The following WWOX variants were observed in gnomAD, a reference collection of about 807,000 sequenced individuals.
WWOX encodes the protein WW domain-containing oxidoreductase.
WWOX carries 69 observed loss-of-function variants against 46.2 expected under a neutral mutation model. The ratio of observed to expected loss-of-function variants is 1.49; its 90% CI spans 1.23 to 1.82. The LOEUF (loss-of-function observed/expected upper bound fraction) is 1.82, where lower values mean the gene tolerates loss of function less well. Ranked by LOEUF, WWOX falls within the 40% of genes most tolerant of loss-of-function variation. The pLI, the probability that WWOX is intolerant of heterozygous loss-of-function variation, is 0.00. For synonymous variants in WWOX, 359 were observed against 202.6 expected (o/e 1.77, Z -6.56); for missense variants, 919 against 542.6 (o/e 1.69, Z -6.89).
At chr16:79,193,315 G>A (rs1031333229) in intron 8 of WWOX, among the ~76,000 whole-genome samples, 2 of 152,238 alleles carry the variant, frequency 1.3e-5, no homozygotes, top group African/African-American at 4.8e-5. Context: ...ACTCTTTGTT[G>A]TCTGCACAGA....
intron 8 of WWOX, among the ~76,000 whole-genome samples, chr16:79,099,135 G>A (rs1263136325): frequency 3.9e-5 from 6 of 152,084 alleles, no homozygotes; most frequent in African/African-American, 7.2e-5. Flanking sequence ...AGCTCCCGTG[G>A]GAAATCACAG....
Position 78,362,769 on chromosome 16 carries a change from C to A in WWOX, c.517-24091C>A, listed in dbSNP as rs138115474. On this transcript the variant is annotated intron_variant, in intron 5 of 8. Coordinates refer to ENST00000566780, the MANE Select transcript of WWOX (RefSeq NM_016373.4). Reference sequence around the variant, plus strand: ...AGTTCATGAAGAACTTACTATGTGTCCAGTAGATAAATATACCACAAGCAT... The same window carrying A: ...AGTTCATGAAGAACTTACTATGTGTACAGTAGATAAATATACCACAAGCAT... Among the ~76,000 whole-genome samples the A allele has an allele frequency of 6.6e-3, 998 of 152,298 alleles. 5 individuals are homozygous for A. The highest frequency in any genetic ancestry group is 0.02 in the Middle Eastern group (6 of 294).
chr16:78,175,028 A>AT (rs747343878), intron 5 of WWOX, among the ~76,000 whole-genome samples: 1 of 129,422 alleles, frequency 7.7e-6, no homozygotes, highest in Non-Finnish European at 1.7e-5. Context: ...AATAATAATA[A>AT]TAAGAATCTG....
chr16:78,646,175 C>G (rs1331607313), intron 8 of WWOX, among the ~76,000 whole-genome samples: 2 of 152,122 alleles, frequency 1.3e-5, no homozygotes, highest in Non-Finnish European at 2.9e-5. Context: ...GCATGGATGC[C>G]TTTTGATTTT....
intron 5 of WWOX, among the ~76,000 whole-genome samples, chr16:78,250,823 T>C (rs1203402860): frequency 6.6e-6 from 1 of 152,126 alleles, no homozygotes; most frequent in East Asian, 1.9e-4. Context: ...GCAAATGTCA[T>C]GTGGTTTATA....
chr16:78,778,682 C>T (rs948305367), intron 8 of WWOX, among the ~76,000 whole-genome samples: 1 of 152,188 alleles, frequency 6.6e-6, no homozygotes, highest in East Asian at 1.9e-4. Context: ...ACCATCTACT[C>T]ACCTCCTGTT....
chr16:78,113,639 A>G lies in WWOX; in HGVS notation c.231-1337A>G, dbSNP rs375892013. Among the ~76,000 whole-genome samples the G allele has an allele frequency of 1.6e-4, 25 of 152,266 alleles. No homozygotes were observed. In the East Asian group the frequency reaches 2.1e-3, roughly 13 times the overall value. Reference sequence around the variant, plus strand: ...TTTAGCACCAGGTCTTCAGGGGGAAAAAAGCCACTGTTTGTTTCCACAGTA... The same window carrying G: ...TTTAGCACCAGGTCTTCAGGGGGAAGAAAGCCACTGTTTGTTTCCACAGTA... On this transcript the variant is annotated intron_variant, in intron 3 of 8. Transcript: ENST00000566780.
chr16:78,138,054 A>G (rs545678562), intron 4 of WWOX, among the ~76,000 whole-genome samples: 4 of 150,766 alleles, frequency 2.7e-5, no homozygotes, highest in South Asian at 4.2e-4. Context: ...AATGGATGCA[A>G]TGAGGAAAGT....
At chr16:78,394,900 A>C (rs1168229868) in intron 6 of WWOX, among the ~76,000 whole-genome samples, 1 of 152,190 alleles carries the variant, frequency 6.6e-6, no homozygotes, top group Non-Finnish European at 1.5e-5. Context: ...TCTACCACTT[A>C]CTGGCTGTGT....
intron 8 of WWOX, among the ~76,000 whole-genome samples, chr16:79,120,113 T>TG (rs528387230): frequency 6.6e-6 from 1 of 152,194 alleles, no homozygotes; most frequent in Non-Finnish European, 1.5e-5. Flanking sequence ...CTGCCGTTAA[T>TG]GACCTCCACC....
chr16:78,779,839 G>T (rs2050281104), intron 8 of WWOX, among the ~76,000 whole-genome samples: 1 of 152,180 alleles, frequency 6.6e-6, no homozygotes, highest in African/African-American at 2.4e-5. Context: ...GAAAGGGGAA[G>T]GAGAAGGGCC....
At chr16:78,999,045 C>G (rs919950526) in intron 8 of WWOX, among the ~76,000 whole-genome samples, 1 of 152,100 alleles carries the variant, frequency 6.6e-6, no homozygotes, top group Admixed American at 6.5e-5. Flanking sequence ...GAGAGACAGG[C>G]AGAGCTAGAA....
chr16:78,612,308 A>C (rs2045920000), intron 8 of WWOX, among the ~76,000 whole-genome samples: 1 of 152,186 alleles, frequency 6.6e-6, no homozygotes, highest in African/African-American at 2.4e-5. Context: ...AAAGGAGGTA[A>C]AACTTGAAGG....
At chr16:78,859,525 C>G (rs1339414756) in intron 8 of WWOX, among the ~76,000 whole-genome samples, 2 of 152,122 alleles carry the variant, frequency 1.3e-5, no homozygotes, top group Non-Finnish European at 2.9e-5. Flanking sequence ...AGCACCCATT[C>G]CAGAGGGCAT....
intron 8 of WWOX, among the ~76,000 whole-genome samples, chr16:78,485,797 T>C (rs1028114593): frequency 1.3e-5 from 2 of 152,196 alleles, no homozygotes; most frequent in Middle Eastern, 3.2e-3. Context: ...TCATACATTA[T>C]TGAGAGCAAA....
At chr16:78,676,681 G>A (rs907191400) in intron 8 of WWOX, among the ~76,000 whole-genome samples, 3 of 152,090 alleles carry the variant, frequency 2.0e-5, no homozygotes, top group Non-Finnish European at 2.9e-5. Context: ...AAGAAACATT[G>A]CTTTTATTGC....
chr16:78,547,754 A>G (rs1017486095), intron 8 of WWOX, among the ~76,000 whole-genome samples: 11 of 152,054 alleles, frequency 7.2e-5, no homozygotes, highest in African/African-American at 2.4e-4. Context: ...GGGTCTCTCT[A>G]TCTGGCCTCT....
chr16:78,810,629 C>A (rs2051164069), intron 8 of WWOX, among the ~76,000 whole-genome samples: 1 of 152,224 alleles, frequency 6.6e-6, no homozygotes, highest in African/African-American at 2.4e-5. Flanking sequence ...CCCATTATTT[C>A]TTCCGCTGAA....
chr16:78,569,932 T>C (rs534679651), intron 8 of WWOX, among the ~76,000 whole-genome samples: 5 of 152,362 alleles, frequency 3.3e-5, no homozygotes, highest in Admixed American at 2.6e-4. Context: ...ATGGTGCTCT[T>C]AGAGCTTCCT....
Sources: allele counts gnomAD v4.1 joint callset (sites outside exome capture counted in the v4.1 genomes callset), GRCh38; gene constraint gnomAD v4.1.1; transcripts MANE v1.5; gene names NCBI Gene and HGNC (gene_info 2026-07-23, HGNC 2026-07-21).